The following ARIH2 variants were observed in gnomAD, a reference collection of about 807,000 sequenced individuals.
The protein encoded by ARIH2 is E3 ubiquitin-protein ligase ARIH2.
ARIH2 carries 12 observed loss-of-function variants against 79.8 expected under a neutral mutation model. The ratio of observed to expected loss-of-function variants is 0.15; its 90% CI spans 0.10 to 0.24. The LOEUF (loss-of-function observed/expected upper bound fraction) is 0.24, where lower values mean the gene tolerates loss of function less well. Among genes scored for constraint, ARIH2 ranks in the 10% least tolerant of loss-of-function variants. ARIH2 has a pLI of 1.00. For missense variants in ARIH2, 301 were observed against 618.3 expected (o/e 0.49, Z 5.44); for synonymous variants, 224 against 213.9 (o/e 1.05, Z -0.41).
At chr3:48,966,074 CAT>C (rs1211960148) in intron 5 of ARIH2, among the ~76,000 whole-genome samples, 1 of 152,168 alleles carries the variant, frequency 6.6e-6, no homozygotes, top group Non-Finnish European at 1.5e-5. Flanking sequence ...GTGATTAACT[CAT>C]ATCATTTTAC....
chr3:48,962,561 A>G (rs2091383751), intron 4 of ARIH2, among the ~76,000 whole-genome samples: 1 of 152,108 alleles, frequency 6.6e-6, no homozygotes, highest in Non-Finnish European at 1.5e-5. Context: ...CTCTGTAGAG[A>G]TCTCCTATGC....
intron 2 of ARIH2, among the ~76,000 whole-genome samples, chr3:48,923,702 G>C (rs1328543022): frequency 6.6e-6 from 1 of 151,996 alleles, no homozygotes. Flanking sequence ...TGTGTTTTTA[G>C]TAGAGACGGG....
At chr3:48,935,424 A>T (rs533038029) in intron 3 of ARIH2, among the ~76,000 whole-genome samples, 52 of 152,230 alleles carry the variant, frequency 3.4e-4, no homozygotes, top group Non-Finnish European at 6.6e-4. Flanking sequence ...AATTTGCTTA[A>T]GCTTTCTGCA....
intron 3 of ARIH2, among the ~76,000 whole-genome samples, chr3:48,936,980 A>G (rs1444727984): frequency 3.9e-5 from 6 of 152,054 alleles, no homozygotes; most frequent in African/African-American, 1.2e-4. Flanking sequence ...GTGAGCCAAG[A>G]TGGCACCACT....
At chr3:48,919,154 C>A in intron 1 of ARIH2, 156 bp downstream of exon 1, 5 of 1,301,214 alleles carry the variant, frequency 3.8e-6, no homozygotes, top group Non-Finnish European at 4.9e-6. Context: ...GAGCATTACC[C>A]GCCGTCAGCG....
At chr3:48,952,768 C>G (rs2107418554) in intron 3 of ARIH2, among the ~76,000 whole-genome samples, 1 of 152,232 alleles carries the variant, frequency 6.6e-6, no homozygotes, top group African/African-American at 2.4e-5. Flanking sequence ...CTGCAAAAGA[C>G]ATCATAGAGA....
chr3:48,950,572 GATTTTGATTGGGATTTTC>G (rs1382108794), intron 3 of ARIH2, among the ~76,000 whole-genome samples: 1 of 152,098 alleles, frequency 6.6e-6, no homozygotes, highest in Non-Finnish European at 1.5e-5. Flanking sequence ...AAAAGCTTGT[GATTTTGATTGGGATTTTC>G]ATTTTGATTG....
intron 3 of ARIH2, among the ~76,000 whole-genome samples, chr3:48,959,725 G>A (rs2107516339): frequency 6.6e-6 from 1 of 151,014 alleles, no homozygotes; most frequent in Admixed American, 6.6e-5. Context: ...CACTTACCTT[G>A]GAAGGAAAAT....
intron 3 of ARIH2, among the ~76,000 whole-genome samples, chr3:48,929,325 G>A (rs1039439727): frequency 1.3e-5 from 2 of 151,738 alleles, no homozygotes; most frequent in African/African-American, 4.8e-5. Context: ...CCGTCCGTCC[G>A]TCCGTCCTTC....
At chr3:48,973,133 A>G (rs1231264176) in intron 8 of ARIH2, among the ~76,000 whole-genome samples, 1 of 152,244 alleles carries the variant, frequency 6.6e-6, no homozygotes, top group Non-Finnish European at 1.5e-5. Context: ...AAGCCTTGAG[A>G]GATAACTTTA....
intron 3 of ARIH2, among the ~76,000 whole-genome samples, chr3:48,960,724 A>G (rs1041049343): frequency 6.6e-6 from 1 of 151,506 alleles, no homozygotes; most frequent in Non-Finnish European, 1.5e-5. Context: ...AGGTCATGCC[A>G]CTGCACTCCA....
chr3:48,947,988 T>G (rs1236501692), intron 3 of ARIH2, among the ~76,000 whole-genome samples: 3 of 152,176 alleles, frequency 2.0e-5, no homozygotes, highest in Admixed American at 1.3e-4. Context: ...TTTGAGACAG[T>G]CTTGCTCTGT....
At position 48,927,485 on chromosome 3, in the gene ARIH2, GA is replaced by G; in HGVS notation, c.-73del. On this transcript the variant is annotated 5_prime_UTR_variant, in exon 3 of 16. An upstream open reading frame in the 5' UTR loses its in-frame stop. Coordinates refer to ENST00000356401, the MANE Select transcript of ARIH2 (RefSeq NM_006321.4). Reference sequence around the variant, plus strand: ...AGAAGACAAAAATACTAATGCATTTGAGAAAGCGGTAGTTTTGGGGGGAGGG... The same window carrying G: ...AGAAGACAAAAATACTAATGCATTTGGAAAGCGGTAGTTTTGGGGGGAGGG... The G allele has an allele frequency of 1.3e-6, 2 of 1,541,538 alleles. No homozygotes were observed. The highest frequency in any genetic ancestry group is 1.7e-6 in the Non-Finnish European group (2 of 1,144,408).
At chr3:48,973,473 A>G in intron 8 of ARIH2, 1 of 348,704 alleles carries the variant, frequency 2.9e-6, no homozygotes, top group Non-Finnish European at 5.4e-6. Context: ...ACTACTCGGG[A>G]GGTTGAGTCA....
Position 48,918,859 on chromosome 3 carries a change from TC to T in ARIH2, c.-300del. Reference sequence around the variant, plus strand: ...GCACTTCCGGAGCTGTGGGGACGACTCTTCTGGAGGAAGCAGCGCGGGCTTG... The same window carrying T: ...GCACTTCCGGAGCTGTGGGGACGACTTTCTGGAGGAAGCAGCGCGGGCTTG... On this transcript the variant is annotated 5_prime_UTR_variant, in exon 1 of 16. Coordinates refer to ENST00000356401, the MANE Select transcript of ARIH2 (RefSeq NM_006321.4). 1 of 1,610,886 alleles carries T rather than the reference TC, an allele frequency of 6.2e-7. No homozygotes were observed. Among genetic ancestry groups the T allele is most frequent in the South Asian group, 1.1e-5 (1 of 91,000 alleles).
intron 3 of ARIH2, chr3:48,948,966 A>G (rs13315711): frequency 2.4e-6 from 1 of 411,504 alleles, no homozygotes; most frequent in East Asian, 7.2e-5. Flanking sequence ...GTTGAGGGAC[A>G]TTGGGTTGTT....
chr3:48,978,032 T>G (rs908269516), intron 11 of ARIH2, among the ~76,000 whole-genome samples: 7 of 152,228 alleles, frequency 4.6e-5, no homozygotes, highest in Non-Finnish European at 7.4e-5. Flanking sequence ...TAATAAGGTA[T>G]TATTAGAACA....
At chr3:48,954,847 A>G (rs1399437139) in intron 3 of ARIH2, among the ~76,000 whole-genome samples, 1 of 152,202 alleles carries the variant, frequency 6.6e-6, no homozygotes, top group East Asian at 1.9e-4. Context: ...TGGACAAGAA[A>G]CTTTCTAGTT....
At chr3:48,935,782 G>A (rs1346674357) in intron 3 of ARIH2, among the ~76,000 whole-genome samples, 1 of 152,172 alleles carries the variant, frequency 6.6e-6, no homozygotes, top group Non-Finnish European at 1.5e-5. Flanking sequence ...AAGGATGGGA[G>A]TGTTATTTGT....
Sources: allele counts gnomAD v4.1 joint callset (sites outside exome capture counted in the v4.1 genomes callset), GRCh38; gene constraint gnomAD v4.1.1; transcripts MANE v1.5; gene names NCBI Gene and HGNC (gene_info 2026-07-23, HGNC 2026-07-21).